RBM47: variants seen among roughly 807,000 people sequenced by gnomAD.
RBM47 encodes RNA-binding protein 47.
Under a neutral mutation model 47.1 loss-of-function variants are expected in RBM47, and 21 were observed. The observed-to-expected ratio is 0.45, with a 90% CI of 0.32 to 0.64. The LOEUF is 0.64. RBM47 is among the 30% of genes least tolerant of loss of function. The probability of loss-of-function intolerance (pLI) is 0.05; values close to 1 mark genes in which losing one functional copy is unlikely to be tolerated. For synonymous variants in RBM47, 375 were observed against 361.7 expected (o/e 1.04, Z -0.42); for missense variants, 708 against 870.9 (o/e 0.81, Z 2.35).
chr4:40,466,384 A>T (rs1247903532), intron 3 of RBM47, among the ~76,000 whole-genome samples, 193 bp downstream of exon 3: 1 of 152,170 alleles, frequency 6.6e-6, no homozygotes, highest in African/African-American at 2.4e-5. Context: ...ACAAAGATGT[A>T]AAGTGTACAA....
At chr4:40,571,978 G>T (rs1457093777) in intron 1 of RBM47, among the ~76,000 whole-genome samples, 1 of 149,772 alleles carries the variant, frequency 6.7e-6, no homozygotes, top group Non-Finnish European at 1.5e-5. Flanking sequence ...AGCCGAGATT[G>T]TACCACTGTA....
At chr4:40,536,383 A>G (rs1727983483) in intron 2 of RBM47, among the ~76,000 whole-genome samples, 1 of 152,224 alleles carries the variant, frequency 6.6e-6, no homozygotes, top group Non-Finnish European at 1.5e-5. Flanking sequence ...ACATTTAAGT[A>G]TCACCCATGA....
rs183247813 is a variant in RBM47, at chr4:40,425,871, T to G, written c.*33A>C. On this transcript the variant is annotated 3_prime_UTR_variant, in exon 7 of 7. Coordinates refer to ENST00000295971, the MANE Select transcript of RBM47 (RefSeq NM_001098634.2). Reference sequence around the variant, plus strand: ...TAGTCAAGCGTTCCTTCAGTGGTGTTTGTGTGGTCTGTCTTCGTGCTGGTC... The same window carrying G: ...TAGTCAAGCGTTCCTTCAGTGGTGTGTGTGTGGTCTGTCTTCGTGCTGGTC... The G allele has an allele frequency of 3.3e-5, 53 of 1,604,470 alleles. No individual in the cohort carries two copies. The African/African-American group carries it at 6.8e-4, about 21-fold the overall frequency.
rs753785804 is a variant in RBM47 at position 40,434,003 on chromosome 4, G to GGGTGTA, written c.1331-1142_1331-1141insTACACC. Among the ~76,000 whole-genome samples the GGGTGTA allele has an allele frequency of 3.7e-5, 3 of 80,116 alleles. 1 individual carries two copies. Among genetic ancestry groups the GGGTGTA allele is most frequent in the African/African-American group, 1.6e-4 (3 of 18,252 alleles). 52.6% of individuals were successfully genotyped at this position (80,116 alleles called of 152,430 possible). On this transcript the variant is annotated intron_variant, in intron 5 of 6. Transcript: ENST00000295971. Reference sequence around the variant, plus strand: ...GTGAGTGTGTGTGTGTGGGGCGGGGGTGTGTGTGTGTGTGTGTGTGTGTGT... The same window carrying GGGTGTA: ...GTGAGTGTGTGTGTGTGGGGCGGGGGGGTGTATGTGTGTGTGTGTGTGTGTGTGTGT...
upstream of RBM47, chr4:40,629,877 C>A (rs985437089): frequency 6.6e-6 from 1 of 152,378 alleles, no homozygotes; most frequent in African/African-American, 2.4e-5. Context: ...GGGCCCTTCC[C>A]GGTTCCCTCC....
At chr4:40,464,526 T>C (rs1403984112) in intron 3 of RBM47, among the ~76,000 whole-genome samples, 1 of 152,092 alleles carries the variant, frequency 6.6e-6, no homozygotes, top group Non-Finnish European at 1.5e-5. Context: ...TATGCCTCTA[T>C]TTTGGGAATA....
chr4:40,573,795 G>GAAAGAAAGAAAAGAAA (rs1553903525), intron 1 of RBM47, among the ~76,000 whole-genome samples: 1 of 51,034 alleles, frequency 2.0e-5, no homozygotes, highest in African/African-American at 2.9e-4. Flanking sequence ...GAGAGAGAGA[G>GAAAGAAAGAAAAGAAA]AGAAAGAAAG....
chr4:40,619,129 C>T (rs945865433), intron 1 of RBM47, among the ~76,000 whole-genome samples: 2 of 152,046 alleles, frequency 1.3e-5, no homozygotes, highest in African/African-American at 4.8e-5. Flanking sequence ...ACACCAACAC[C>T]CCCAAAAATC....
chr4:40,449,978 G>C (rs1173673837), intron 3 of RBM47, among the ~76,000 whole-genome samples: 1 of 152,084 alleles, frequency 6.6e-6, no homozygotes, highest in African/African-American at 2.4e-5. Flanking sequence ...CACCGCACCT[G>C]GCCTTGTTCC....
At chr4:40,546,731 G>A (rs191048600) in intron 1 of RBM47, among the ~76,000 whole-genome samples, 13 of 152,248 alleles carry the variant, frequency 8.5e-5, no homozygotes, top group South Asian at 4.2e-4. Flanking sequence ...GACTTGCTTC[G>A]GTGAGTCCAA....
chr4:40,509,690 G>T (rs1724631900), intron 2 of RBM47, among the ~76,000 whole-genome samples: 1 of 149,794 alleles, frequency 6.7e-6, no homozygotes, highest in Non-Finnish European at 1.5e-5. Flanking sequence ...GACCATCCTG[G>T]CCAACACGGT....
chr4:40,459,880 G>A (rs1470782353), intron 3 of RBM47, among the ~76,000 whole-genome samples: 2 of 152,100 alleles, frequency 1.3e-5, no homozygotes, highest in African/African-American at 4.8e-5. Context: ...TCAGCCTCCC[G>A]GGTAGCTGGG....
intron 2 of RBM47, among the ~76,000 whole-genome samples, chr4:40,525,761 A>G (rs148095190): frequency 6.6e-6 from 1 of 152,342 alleles, no homozygotes; most frequent in African/African-American, 2.4e-5. Context: ...CTTAAGTAGA[A>G]AGGAGATTTG....
At chr4:40,517,342 G>A (rs932016100) in intron 2 of RBM47, among the ~76,000 whole-genome samples, 1 of 151,978 alleles carries the variant, frequency 6.6e-6, no homozygotes. Flanking sequence ...TCACCATGTT[G>A]GTCAGGCTGG....
chr4:40,600,279 T>A (rs981019585), intron 1 of RBM47, among the ~76,000 whole-genome samples: 1 of 151,948 alleles, frequency 6.6e-6, no homozygotes, highest in African/African-American at 2.4e-5. Context: ...TCCAAAAGTG[T>A]TGGCGTTACA....
At chr4:40,467,596 A>G (rs1453775411) in intron 2 of RBM47, among the ~76,000 whole-genome samples, 2 of 152,052 alleles carry the variant, frequency 1.3e-5, no homozygotes, top group African/African-American at 2.4e-5. Flanking sequence ...CGGCAGAGTC[A>G]AGACTCTTTT....
chr4:40,602,444 T>C (rs1418827160), intron 1 of RBM47, among the ~76,000 whole-genome samples: 1 of 151,824 alleles, frequency 6.6e-6, no homozygotes, highest in African/African-American at 2.4e-5. Context: ...GGTCAAGATA[T>C]CGAGACCATC....
At chr4:40,518,606 C>T (rs1725868017) in intron 2 of RBM47, among the ~76,000 whole-genome samples, 1 of 152,090 alleles carries the variant, frequency 6.6e-6, no homozygotes. Flanking sequence ...AATGACAGAT[C>T]TGAGAACCTC....
chr4:40,460,568 G>A lies in RBM47; in HGVS notation c.-32+6009C>T, dbSNP rs1209552354. The stretch of plus-strand genomic sequence containing the variant: ...CTCACGCCTGTAATCCCAGCTACTT[G>A]GGAGGCTGAGGCAGGACAATTGCTT... On this transcript the variant is annotated intron_variant, in intron 3 of 6. Coordinates refer to ENST00000295971, the MANE Select transcript of RBM47 (RefSeq NM_001098634.2). Among the ~76,000 whole-genome samples the A allele has an allele frequency of 1.3e-5, 2 of 152,176 alleles. 1 individual carries two copies.
Sources: gnomAD v4.1 joint callset for allele counts (sites outside exome capture counted in the v4.1 genomes callset) on GRCh38, gnomAD v4.1.1 for gene constraint, MANE v1.5 for transcripts, NCBI Gene and HGNC (gene_info 2026-07-23, HGNC 2026-07-21) for gene names.